The following KLHDC1 variants were observed in gnomAD, a reference collection of about 807,000 sequenced individuals.
KLHDC1 encodes kelch domain-containing protein 1.
In KLHDC1, 53 loss-of-function variants were observed where a neutral mutation model predicts 68.3. The observed-to-expected ratio is 0.78, with a 90% confidence interval of 0.62 to 0.98. The LOEUF is 0.98. Ranked by LOEUF, KLHDC1 falls within the 50% of genes least tolerant of loss-of-function variation. The probability of loss-of-function intolerance (pLI) is 0.00; values close to 1 mark genes in which losing one functional copy is unlikely to be tolerated. For missense variants in KLHDC1, 470 were observed against 492.3 expected (o/e 0.95, Z 0.43); for synonymous variants, 148 against 159.0 (o/e 0.93, Z 0.52).
intron 4 of KLHDC1, among the ~76,000 whole-genome samples, chr14:49,719,958 A>G (rs1438558159): frequency 6.7e-6 from 1 of 148,428 alleles, no homozygotes; most frequent in Admixed American, 6.8e-5. Flanking sequence ...AGCAGCTAGG[A>G]CTACAAGTGC....
chr14:49,714,958 A>G (rs1375782811), intron 4 of KLHDC1, among the ~76,000 whole-genome samples: 1 of 147,304 alleles, frequency 6.8e-6, no homozygotes, highest in African/African-American at 2.5e-5. Context: ...TTATTTTCAT[A>G]TATATGGAAA....
At chr14:49,702,576 G>C (rs1448671673) in intron 1 of KLHDC1, among the ~76,000 whole-genome samples, 3 of 152,122 alleles carry the variant, frequency 2.0e-5, no homozygotes, top group Admixed American at 2.0e-4. Flanking sequence ...TATTCCCCTA[G>C]TGAGTGAATA....
At chr14:49,716,790 G>T (rs1043829361) in intron 4 of KLHDC1, among the ~76,000 whole-genome samples, 1 of 151,948 alleles carries the variant, frequency 6.6e-6, no homozygotes, top group African/African-American at 2.4e-5. Flanking sequence ...TCATAATGTT[G>T]TGCAACCATC....
rs182498074 is a variant in KLHDC1, at chr14:49,734,355, A to G, written c.824-234A>G. Reference sequence around the variant, plus strand: ...CATTTAGAAAAATTAAGCAATAATAACAAAAAGATAAGTGGAGCACATGTA... The same window carrying G: ...CATTTAGAAAAATTAAGCAATAATAGCAAAAAGATAAGTGGAGCACATGTA... On this transcript the variant is annotated intron_variant, in intron 9 of 12. Transcript: ENST00000359332. Among the ~76,000 whole-genome samples the G allele has an allele frequency of 4.6e-4, 70 of 152,318 alleles. No individual in the cohort carries two copies. The East Asian group carries it at 0.012, about 25-fold the overall frequency.
chr14:49,737,140 T>C (rs1490325636), intron 10 of KLHDC1, among the ~76,000 whole-genome samples: 2 of 152,182 alleles, frequency 1.3e-5, no homozygotes, highest in African/African-American at 2.4e-5. Flanking sequence ...TTCCTTCCCA[T>C]GTATGAGGGC....
intron 4 of KLHDC1, among the ~76,000 whole-genome samples, chr14:49,711,981 C>T (rs1297236022): frequency 1.4e-5 from 2 of 140,244 alleles, no homozygotes; most frequent in Admixed American, 1.5e-4. Context: ...GCAGTGGTGC[C>T]ATCTCGGCTC....
chr14:49,711,984 C>G (rs967731941), intron 4 of KLHDC1, among the ~76,000 whole-genome samples: 3 of 124,524 alleles, frequency 2.4e-5, no homozygotes, highest in African/African-American at 9.0e-5. Flanking sequence ...GTGGTGCCAT[C>G]TCGGCTCACT....
intron 12 of KLHDC1, among the ~76,000 whole-genome samples, chr14:49,744,429 T>C (rs1889144050): frequency 6.6e-6 from 1 of 152,158 alleles, no homozygotes; most frequent in African/African-American, 2.4e-5. Flanking sequence ...CCTGACATTT[T>C]TCACATTTTA....
chr14:49,709,282 T>A, intron 2 of KLHDC1, 53 bp downstream of exon 2: 1 of 767,184 alleles, frequency 1.3e-6, no homozygotes, highest in Non-Finnish European at 2.2e-6. Flanking sequence ...TTATAAATGT[T>A]TCTGTAGACT....
intron 4 of KLHDC1, among the ~76,000 whole-genome samples, chr14:49,711,630 G>A (rs1296099149): frequency 3.3e-5 from 5 of 151,800 alleles, no homozygotes; most frequent in South Asian, 2.1e-4. Flanking sequence ...GAGCCACTGC[G>A]CCTGGCCTTC....
intron 5 of KLHDC1, among the ~76,000 whole-genome samples, chr14:49,724,564 T>C (rs1006728468): frequency 1.2e-4 from 18 of 151,692 alleles, no homozygotes; most frequent in South Asian, 6.3e-4. Context: ...TATATATATA[T>C]ACACACACAC....
intron 12 of KLHDC1, among the ~76,000 whole-genome samples, chr14:49,744,165 T>A (rs1889135370): frequency 6.6e-6 from 1 of 151,758 alleles, no homozygotes; most frequent in African/African-American, 2.4e-5. Context: ...GTGTGTAGTC[T>A]TGGCTACTGT....
At chr14:49,698,141 GA>G (rs957531679) in intron 1 of KLHDC1, among the ~76,000 whole-genome samples, 1 of 152,176 alleles carries the variant, frequency 6.6e-6, no homozygotes, top group African/African-American at 2.4e-5. Flanking sequence ...AAAGTTAAGT[GA>G]AAAATTCACT....
rs78714380 is a variant in KLHDC1 at position 49,734,577 on chromosome 14, A to G, written c.824-12A>G. On this transcript the variant is annotated splice_polypyrimidine_tract_variant and intron_variant, in intron 9 of 12. Transcript: ENST00000359332. The stretch of plus-strand genomic sequence containing the variant: ...ACCTAATCTTAATTTCTGAACTGTC[A>G]TGATATTGCAGGTGATGGTTGGATT... 9,145 of 1,534,190 alleles carry G rather than the reference A, an allele frequency of 6.0e-3. 96 individuals carry two copies. The highest frequency in any genetic ancestry group is 0.027 in the South Asian group (2,249 of 83,300).
intron 1 of KLHDC1, among the ~76,000 whole-genome samples, chr14:49,707,085 A>T (rs181280246): frequency 1.1e-4 from 16 of 152,168 alleles, no homozygotes; most frequent in Admixed American, 1.0e-3. Context: ...GAGTTTCCCC[A>T]TGTTTTCTTG....
intron 1 of KLHDC1, among the ~76,000 whole-genome samples, chr14:49,698,927 G>T (rs1481180978): frequency 6.6e-6 from 1 of 151,760 alleles, no homozygotes; most frequent in East Asian, 2.0e-4. Flanking sequence ...GCACTTTGGA[G>T]GCCGAGGCGG....
chr14:49,718,884 C>G (rs1888453203), intron 4 of KLHDC1, among the ~76,000 whole-genome samples: 1 of 138,306 alleles, frequency 7.2e-6, no homozygotes, highest in Non-Finnish European at 1.5e-5. Flanking sequence ...TCAAGTGATT[C>G]TCCTGCCTCA....
Position 49,741,997 on chromosome 14 carries a change from C to T in KLHDC1, c.982-1756C>T, listed in dbSNP as rs79867531. On this transcript the variant is annotated intron_variant, in intron 11 of 12. Transcript: ENST00000359332. ...AGTGGCAAACTCCAAAGCAGGATGG[C>T]TTCTCTCCATGGAATTTGCTTTATT... is the stretch of plus-strand genomic sequence containing the variant. Among the ~76,000 whole-genome samples, 434 of 152,306 alleles carry T rather than the reference C, an allele frequency of 2.8e-3. 3 individuals carry two copies. Among genetic ancestry groups the T allele is most frequent in the African/African-American group, 9.8e-3 (409 of 41,558 alleles).
intron 1 of KLHDC1, among the ~76,000 whole-genome samples, chr14:49,693,492 A>G (rs886447374): frequency 4.0e-5 from 6 of 151,734 alleles, no homozygotes; most frequent in Non-Finnish European, 8.8e-5. Context: ...TTCTTCTATT[A>G]AAGCCTCAGA....
Sources: allele counts gnomAD v4.1 joint callset (sites outside exome capture counted in the v4.1 genomes callset), GRCh38; gene constraint gnomAD v4.1.1; transcripts MANE v1.5; gene names NCBI Gene and HGNC (gene_info 2026-07-23, HGNC 2026-07-21).